RAB3C: variants seen among roughly 807,000 people sequenced by gnomAD.
The protein encoded by RAB3C is RAB3C, member RAS oncogene family.
Under a neutral mutation model 26.4 loss-of-function variants are expected in RAB3C, and 17 were observed. The ratio of observed to expected loss-of-function variants is 0.64; its 90% CI spans 0.44 to 0.97. The LOEUF is 0.97. RAB3C is among the 50% of genes least tolerant of loss of function. The probability of loss-of-function intolerance (pLI) is 0.00; values close to 1 mark genes in which losing one functional copy is unlikely to be tolerated. For synonymous variants in RAB3C, 91 were observed against 95.9 expected (o/e 0.95, Z 0.30); for missense variants, 242 against 281.9 (o/e 0.86, Z 1.01).
chr5:58,814,659 C>T (rs1391540966), intron 3 of RAB3C: 2 of 152,154 alleles, frequency 1.3e-5, no homozygotes, highest in Admixed American at 1.3e-4. Context: ...GAACGTCTTA[C>T]CTTTTCCTAG....
chr5:58,691,183 A>G (rs1395482352), intron 2 of RAB3C, among the ~76,000 whole-genome samples: 1 of 152,118 alleles, frequency 6.6e-6, no homozygotes, highest in Non-Finnish European at 1.5e-5. Flanking sequence ...CCTACATCAG[A>G]ATTTCCCATA....
intron 3 of RAB3C, among the ~76,000 whole-genome samples, chr5:58,737,543 T>G (rs1741177777): frequency 6.6e-6 from 1 of 151,008 alleles, no homozygotes. Flanking sequence ...CAGTATTATA[T>G]TCTCTGTGCC....
chr5:58,597,704 A>G (rs1463042904), intron 1 of RAB3C, among the ~76,000 whole-genome samples: 3 of 113,080 alleles, frequency 2.7e-5, no homozygotes, highest in African/African-American at 8.3e-5. Flanking sequence ...ATAAGTATAT[A>G]ATATAATATA....
At chr5:58,768,319 C>A (rs1741952441) in intron 3 of RAB3C, among the ~76,000 whole-genome samples, 1 of 152,100 alleles carries the variant, frequency 6.6e-6, no homozygotes, top group African/African-American at 2.4e-5. Context: ...AGTTAAAATC[C>A]TGCTTTGAAG....
intron 2 of RAB3C, among the ~76,000 whole-genome samples, chr5:58,693,747 C>T (rs1378698777): frequency 1.3e-5 from 2 of 152,118 alleles, no homozygotes; most frequent in South Asian, 2.1e-4. Context: ...CTGCCTAACC[C>T]AGTGACCAGA....
intron 2 of RAB3C, chr5:58,644,356 A>G (rs1747473761): frequency 6.6e-6 from 1 of 152,198 alleles, no homozygotes; most frequent in Admixed American, 6.5e-5. Flanking sequence ...TCTAGGGATA[A>G]TGGTAATGAT....
rs1554044140 is a variant in RAB3C at position 58,612,548 on chromosome 5, G to GTATATATATGTA, written c.25-5086_25-5085insGTATATATATAT. ...TATATATATATATATATATATATATGTATATATATATATATGTATATATAT... is the reference window on the plus strand; with the variant it reads ...TATATATATATATATATATATATATGTATATATATGTATATATATATATATATGTATATATAT... On this transcript the variant is annotated intron_variant, in intron 1 of 4. Coordinates refer to ENST00000282878, the MANE Select transcript of RAB3C (RefSeq NM_138453.4). 1.3e-3 allele frequency among the ~76,000 whole-genome samples: 106 copies of GTATATATATGTA among 80,352 alleles called. 2 individuals are homozygous for GTATATATATGTA. The highest frequency in any genetic ancestry group is 3.1e-3 in the South Asian group (9 of 2,926). 52.7% of individuals were successfully genotyped at this position (80,352 alleles called of 152,430 possible).
chr5:58,654,249 G>C lies in RAB3C; in HGVS notation c.252+36379G>C, dbSNP rs571965181. On this transcript the variant is annotated intron_variant, in intron 2 of 4. Coordinates refer to ENST00000282878, the MANE Select transcript of RAB3C (RefSeq NM_138453.4). ...TGAAGTATTGCTTGGAGTGTGCAAT[G>C]TACCCAAGGGAAATCATTTTTAAAG... Among the ~76,000 whole-genome samples, 5 of 152,240 alleles carry C rather than the reference G, an allele frequency of 3.3e-5. No individual in the cohort carries two copies. In the South Asian group the frequency reaches 1.0e-3, roughly 32 times the overall value.
intron 2 of RAB3C, among the ~76,000 whole-genome samples, chr5:58,643,853 G>A (rs1174132477): frequency 3.9e-5 from 6 of 152,086 alleles, no homozygotes; most frequent in Admixed American, 6.6e-5. Context: ...ATGGAGTCTC[G>A]CTCTGTTGCC....
At chr5:58,623,462 T>A (rs1385341561) in intron 2 of RAB3C, among the ~76,000 whole-genome samples, 4 of 152,236 alleles carry the variant, frequency 2.6e-5, no homozygotes, top group Non-Finnish European at 5.9e-5. Flanking sequence ...CCATTCTTGG[T>A]GCTGTCATTT....
chr5:58,846,425 G>A (rs901984416), intron 4 of RAB3C, among the ~76,000 whole-genome samples: 1 of 152,132 alleles, frequency 6.6e-6, no homozygotes, highest in African/African-American at 2.4e-5. Context: ...TGTCACCCAG[G>A]CTGGAGTGCA....
chr5:58,611,524 G>A lies in RAB3C; in HGVS notation c.25-6119G>A, dbSNP rs1746701097. On this transcript the variant is annotated intron_variant, in intron 1 of 4. Coordinates refer to ENST00000282878, the MANE Select transcript of RAB3C (RefSeq NM_138453.4). ...TCATGTGTTTGTTGGCCACATGTATGTCTGCATTTGAAAAGTGTCTGTTCA... is the reference window on the plus strand; with the variant it reads ...TCATGTGTTTGTTGGCCACATGTATATCTGCATTTGAAAAGTGTCTGTTCA... Among the ~76,000 whole-genome samples the A allele has an allele frequency of 2.6e-5, 4 of 152,192 alleles. No individual in the cohort carries two copies. In the South Asian group the frequency reaches 8.3e-4, roughly 32 times the overall value.
intron 3 of RAB3C, among the ~76,000 whole-genome samples, chr5:58,795,658 A>G (rs10805510): frequency 0.51 from 77,060 of 151,894 alleles, 21,053 homozygotes; most frequent in South Asian, 0.62. Context: ...GACAGGTATA[A>G]CTTTATCTGT....
At chr5:58,751,074 G>A (rs987189298) in intron 3 of RAB3C, among the ~76,000 whole-genome samples, 7 of 152,066 alleles carry the variant, frequency 4.6e-5, no homozygotes, top group South Asian at 2.1e-4. Context: ...GGCTGGTCTC[G>A]AACTCCAGGC....
chr5:58,758,507 C>T lies in RAB3C; in HGVS notation c.371+32387C>T, dbSNP rs182927352. ...GAGTCTAAAAGAATATTTTTTAATA[C>T]GCATGTTAAACCCTTAATTCATTTC... is the stretch of plus-strand genomic sequence containing the variant. On this transcript the variant is annotated intron_variant, in intron 3 of 4. Transcript: ENST00000282878. 1.2e-3 allele frequency among the ~76,000 whole-genome samples: 175 copies of T among 152,168 alleles called. 3 individuals are homozygous for T. The highest frequency in any genetic ancestry group is 3.4e-3 in the African/African-American group (143 of 41,534).
intron 3 of RAB3C, among the ~76,000 whole-genome samples, chr5:58,779,762 G>T (rs911337294): frequency 6.6e-6 from 1 of 152,062 alleles, no homozygotes; most frequent in East Asian, 1.9e-4. Flanking sequence ...TGTGTACTGG[G>T]CTATCCAGCT....
At chr5:58,753,789 G>A (rs996466776) in intron 3 of RAB3C, among the ~76,000 whole-genome samples, 1 of 152,192 alleles carries the variant, frequency 6.6e-6, no homozygotes, top group Non-Finnish European at 1.5e-5. Context: ...TGGTGTCTGG[G>A]ATGAAATGGC....
intron 1 of RAB3C, among the ~76,000 whole-genome samples, chr5:58,612,520 GTATA>G (rs200928384): frequency 0.021 from 1,669 of 79,052 alleles, 36 homozygotes; most frequent in African/African-American, 0.055. Context: ...GTGTGTGTGT[GTATA>G]TATATATATA....
chr5:58,745,087 C>T lies in RAB3C; in HGVS notation c.371+18967C>T, dbSNP rs113806235. 9.3e-3 allele frequency among the ~76,000 whole-genome samples: 1,418 copies of T among 152,074 alleles called. 11 individuals are homozygous for T. Among genetic ancestry groups the T allele is most frequent in the Non-Finnish European group, 0.014 (937 of 67,988 alleles). On this transcript the variant is annotated intron_variant, in intron 3 of 4. Coordinates refer to ENST00000282878, the MANE Select transcript of RAB3C (RefSeq NM_138453.4). ...TCTGATTTTTAAAGCCCCCATTCCCCGAGACCAACTGTTCAGAAAGTAGAT... is the reference window on the plus strand; with the variant it reads ...TCTGATTTTTAAAGCCCCCATTCCCTGAGACCAACTGTTCAGAAAGTAGAT...
Sources: allele counts gnomAD v4.1 joint callset (sites outside exome capture counted in the v4.1 genomes callset), GRCh38; gene constraint gnomAD v4.1.1; transcripts MANE v1.5; gene names NCBI Gene and HGNC (gene_info 2026-07-23, HGNC 2026-07-21).